The following SATB2 variants were observed in gnomAD, a reference collection of about 807,000 sequenced individuals.
SATB2 encodes the protein SATB homeobox 2, also known as DNA-binding protein SATB2.
In SATB2, 1 loss-of-function variant was observed where a neutral mutation model predicts 73.4. That is an observed-to-expected ratio of 0.01 (90% CI 0.00 to 0.06). The LOEUF is 0.06. Ranked by LOEUF, SATB2 falls within the 10% of genes least tolerant of loss-of-function variation. SATB2 has a pLI of 1.00. For missense variants in SATB2, 459 were observed against 945.8 expected (o/e 0.49, Z 6.75); for synonymous variants, 397 against 367.0 (o/e 1.08, Z -0.93).
Position 199,272,421 on chromosome 2 carries a change from C to G in SATB2, c.1992G>C (p.Gln664His), listed in dbSNP as rs144750620. ...GGTGCTTCACGTGGTACCGCTGGTT[C>G]TGGAAGAACTTGATGATGGTGTGTT... ...LPKHTIIKFF[Q>H]NQRYHVKHHG... The change falls in exon 11 of 11, where the codon CAG becomes CAC. Residue 664 changes from glutamine (Q) to histidine (H), a missense_variant. By Grantham distance (24) the Gln-to-His change is conservative. Transcript: ENST00000417098. The surrounding 1 kb of genome is among the most constrained non-coding windows in gnomAD (Gnocchi z 6.7). 1 of 1,614,060 alleles carries G rather than the reference C, an allele frequency of 6.2e-7. No homozygotes were observed. Among genetic ancestry groups the G allele is most frequent in the Non-Finnish European group, 8.5e-7 (1 of 1,180,040 alleles).
chr2:199,427,241 T>C (rs1288462494), intron 3 of SATB2, among the ~76,000 whole-genome samples: 2 of 152,142 alleles, frequency 1.3e-5, no homozygotes, highest in African/African-American at 4.8e-5. Context: ...TTTCATTAAG[T>C]TTAGCAAACA....
chr2:199,276,373 G>GT (rs1222009074), intron 10 of SATB2, among the ~76,000 whole-genome samples: 2 of 152,174 alleles, frequency 1.3e-5, no homozygotes, highest in African/African-American at 2.4e-5. Context: ...GTTTTGTTTT[G>GT]TTTTTTGTCT....
chr2:199,315,614 C>G (rs1325359500), intron 9 of SATB2, among the ~76,000 whole-genome samples: 2 of 152,080 alleles, frequency 1.3e-5, no homozygotes, highest in African/African-American at 4.8e-5. Context: ...TCACAGCCCC[C>G]ATGTTTTTTC....
chr2:199,413,522 T>A (rs1163474046), intron 3 of SATB2, among the ~76,000 whole-genome samples: 1 of 152,084 alleles, frequency 6.6e-6, no homozygotes, highest in Non-Finnish European at 1.5e-5. Context: ...ACAAATAAGC[T>A]GTGGCCAACA....
intron 5 of SATB2, among the ~76,000 whole-genome samples, chr2:199,377,026 A>T (rs1428489947): frequency 6.6e-6 from 1 of 152,194 alleles, no homozygotes; most frequent in East Asian, 1.9e-4. Flanking sequence ...TCTCATGTGG[A>T]GAGAAGGAGA....
chr2:199,300,306 A>T (rs1687244299), intron 10 of SATB2, among the ~76,000 whole-genome samples: 1 of 151,918 alleles, frequency 6.6e-6, no homozygotes, highest in Non-Finnish European at 1.5e-5. Context: ...AAGCAATATT[A>T]AAAAAGAAAG....
chr2:199,380,533 G>A (rs2105866097), intron 4 of SATB2, 46 bp from the exon 5 acceptor site: 29 of 1,602,804 alleles, frequency 1.8e-5, no homozygotes, highest in Non-Finnish European at 2.4e-5. Context: ...CTCAACCAGG[G>A]TCCCTGACTG....
At chr2:199,434,426 C>T (rs1235023883) in intron 2 of SATB2, among the ~76,000 whole-genome samples, 4 of 151,982 alleles carry the variant, frequency 2.6e-5, no homozygotes, top group Non-Finnish European at 5.9e-5. Flanking sequence ...TTTAATTCAC[C>T]AAAGATTTTT....
At chr2:199,415,358 A>C (rs1559040893) in intron 3 of SATB2, among the ~76,000 whole-genome samples, 1 of 152,254 alleles carries the variant, frequency 6.6e-6, no homozygotes, top group African/African-American at 2.4e-5. Flanking sequence ...ATGGAGACCA[A>C]GTCATAAATT....
chr2:199,457,633 G>A lies in SATB2; in HGVS notation c.-354C>T, dbSNP rs370027713. ...CACCCGAGCGAGCGGGGGAGGGGAC[G>A]GCGGAGGAGGGGGGAAGAGAAGGAG... is the stretch of plus-strand genomic sequence containing the variant. On this transcript the variant is annotated 5_prime_UTR_variant, in exon 1 of 11. Coordinates refer to ENST00000417098, the MANE Select transcript of SATB2 (RefSeq NM_001172509.2). The surrounding 1 kb of genome is among the most constrained non-coding windows in gnomAD (Gnocchi z 4.8). The A allele has an allele frequency of 7.0e-4, 107 of 153,456 alleles. 1 individual carries two copies. Among genetic ancestry groups the A allele is most frequent in the African/African-American group, 2.2e-3 (92 of 41,482 alleles). 9.5% of individuals were successfully genotyped at this position (153,456 alleles called of 1,614,324 possible).
At chr2:199,280,206 T>C (rs1574466238) in intron 10 of SATB2, among the ~76,000 whole-genome samples, 2 of 152,234 alleles carry the variant, frequency 1.3e-5, no homozygotes, top group South Asian at 2.1e-4. Flanking sequence ...GAAGATTGCA[T>C]GGACACTTAT....
intron 3 of SATB2, among the ~76,000 whole-genome samples, chr2:199,405,103 A>G (rs1211162866): frequency 6.6e-6 from 1 of 152,190 alleles, no homozygotes; most frequent in Non-Finnish European, 1.5e-5. Flanking sequence ...CCCAGTTCAA[A>G]TGAGACTATA....
intron 8 of SATB2, chr2:199,325,409 A>G (rs1009394992): frequency 2.0e-5 from 3 of 152,192 alleles, no homozygotes; most frequent in Non-Finnish European, 2.9e-5. Context: ...GCTCAAAAAC[A>G]TGGGCTCAGG....
intron 3 of SATB2, among the ~76,000 whole-genome samples, chr2:199,394,181 A>G (rs891947973): frequency 1.3e-5 from 2 of 152,218 alleles, no homozygotes; most frequent in African/African-American, 4.8e-5. Flanking sequence ...CTGCACAAAT[A>G]AGTAATCCCC....
Position 199,270,787 on chromosome 2 carries a change from T to A in SATB2, c.*1424A>T, listed in dbSNP as rs2105703516. 1 of 152,470 alleles carries A rather than the reference T, an allele frequency of 6.6e-6. No homozygotes were observed. Among genetic ancestry groups the A allele is most frequent in the South Asian group, 2.1e-4 (1 of 4,828 alleles). The allele number at this position is 152,470 out of a possible 1,614,324, so 9.4% of individuals were successfully genotyped here. On this transcript the variant is annotated 3_prime_UTR_variant, in exon 11 of 11. Transcript: ENST00000417098. Reference sequence around the variant, plus strand: ...GCGATGTAGGTAACTGGGATAATGTTTTCTTTTAGGATGAGTAAGTGATTC... The same window carrying A: ...GCGATGTAGGTAACTGGGATAATGTATTCTTTTAGGATGAGTAAGTGATTC...
chr2:199,373,376 G>GA (rs1379261843), intron 5 of SATB2, among the ~76,000 whole-genome samples: 3 of 152,022 alleles, frequency 2.0e-5, no homozygotes, highest in Non-Finnish European at 1.5e-5. Flanking sequence ...ACTTTGTCAT[G>GA]AAAAAAATTC....
intron 3 of SATB2, among the ~76,000 whole-genome samples, chr2:199,386,712 GCGCGCACACACACACA>G (rs747238266): frequency 0.057 from 3,859 of 67,372 alleles, 65 homozygotes; most frequent in East Asian, 0.13. Flanking sequence ...GCGCGCGCGC[GCGCGCACACACACACA>G]CACACACACA....
At chr2:199,471,262 C>G (rs1231609134) in exon 1 of SATB2, 2 of 152,418 alleles carry the variant, frequency 1.3e-5, no homozygotes, top group Non-Finnish European at 2.9e-5. Context: ...AACTTAAGCG[C>G]CTCTGAACTC....
At chr2:199,419,127 T>C (rs1248101025) in intron 3 of SATB2, among the ~76,000 whole-genome samples, 2 of 152,198 alleles carry the variant, frequency 1.3e-5, no homozygotes, top group Non-Finnish European at 2.9e-5. Flanking sequence ...CCTTTTAAAA[T>C]TCAAGACAAA....
Sources: allele counts gnomAD v4.1 joint callset (sites outside exome capture counted in the v4.1 genomes callset), GRCh38; gene constraint gnomAD v4.1.1; non-coding constraint Gnocchi (gnomAD v3.1); transcripts MANE v1.5; gene names NCBI Gene and HGNC (gene_info 2026-07-23, HGNC 2026-07-21).